Variants in WDR70 observed in about 807,000 individuals in gnomAD.
WDR70 encodes WD repeat-containing protein 70.
A neutral mutation model predicts 88.6 loss-of-function variants in WDR70; 53 were observed. The ratio of observed to expected loss-of-function variants is 0.60; its 90% CI spans 0.48 to 0.75. WDR70 has a LOEUF of 0.75. Among genes scored for constraint, WDR70 ranks in the 30% least tolerant of loss-of-function variants. The pLI is 0.00. For synonymous variants in WDR70, 280 were observed against 270.0 expected, an observed-to-expected ratio of 1.04 and a Z score of -0.36; for missense variants, 610 against 823.2, an observed-to-expected ratio of 0.74 and a Z score of 3.17.
At chr5:37,593,397 G>C (rs1743599837) in intron 9 of WDR70, among the ~76,000 whole-genome samples, 1 of 152,094 alleles carries the variant, frequency 6.6e-6, no homozygotes. Context: ...AGAACATGCG[G>C]TGTTTGATTC....
intron 13 of WDR70, among the ~76,000 whole-genome samples, chr5:37,705,499 G>C (rs1312992048): frequency 1.3e-5 from 2 of 152,052 alleles, no homozygotes; most frequent in African/African-American, 4.8e-5. Flanking sequence ...TGTTGATTTA[G>C]TGAGGGTGAA....
chr5:37,521,440 C>G (rs1401147365), intron 9 of WDR70, among the ~76,000 whole-genome samples: 5 of 152,172 alleles, frequency 3.3e-5, no homozygotes, highest in African/African-American at 1.2e-4. Context: ...CACCCATTAT[C>G]TGACCAGATT....
At position 37,725,009 on chromosome 5, in the gene WDR70, C is replaced by T; in HGVS notation, c.1673C>T (p.Pro558Leu). 1 of 1,613,578 alleles carries T rather than the reference C, an allele frequency of 6.2e-7. No homozygotes were observed. Among genetic ancestry groups the T allele is most frequent in the South Asian group, 1.1e-5 (1 of 91,066 alleles). The change falls in exon 16 of 18, where the codon CCC becomes CTC. Residue 558 changes from proline (P) to leucine (L), a missense_variant. Coordinates refer to ENST00000265107, the MANE Select transcript of WDR70 (RefSeq NM_018034.4). ...CAGCTGGAGAAGGACAGACTGGATC[C>T]CCTGAAGTCGCATAAACCTGAACCT... The part of the protein sequence containing the change: ...RKQLEKDRLD[P>L]LKSHKPEPPV...
intron 9 of WDR70, among the ~76,000 whole-genome samples, chr5:37,547,277 A>G (rs1742027006): frequency 6.6e-6 from 1 of 152,188 alleles, no homozygotes; most frequent in Non-Finnish European, 1.5e-5. Context: ...AGGTATTTCC[A>G]TATTGTGGAC....
chr5:37,579,769 A>G (rs1581409464), intron 9 of WDR70, among the ~76,000 whole-genome samples: 2 of 152,234 alleles, frequency 1.3e-5, no homozygotes, highest in African/African-American at 4.8e-5. Flanking sequence ...GGGCACCCAC[A>G]ATGGAATTTT....
intron 5 of WDR70, among the ~76,000 whole-genome samples, chr5:37,435,051 G>A (rs563019198): frequency 6.6e-6 from 1 of 152,260 alleles, no homozygotes; most frequent in Non-Finnish European, 1.5e-5. Flanking sequence ...TATGAGTTAT[G>A]CCATGCATGA....
At chr5:37,578,390 T>C (rs1378574233) in intron 9 of WDR70, among the ~76,000 whole-genome samples, 1 of 152,210 alleles carries the variant, frequency 6.6e-6, no homozygotes, top group Non-Finnish European at 1.5e-5. Flanking sequence ...CTAAGTGTAA[T>C]AAACCCACTA....
chr5:37,625,998 AAG>A (rs1297929580), intron 10 of WDR70, among the ~76,000 whole-genome samples: 1 of 143,248 alleles, frequency 7.0e-6, no homozygotes, highest in African/African-American at 2.9e-5. Flanking sequence ...TATGGGTTCT[AAG>A]AGAGTTTTTT....
chr5:37,711,892 C>T lies in WDR70; in HGVS notation c.1416+8805C>T, dbSNP rs1747521291. Among the ~76,000 whole-genome samples the T allele has an allele frequency of 3.3e-5, 5 of 151,784 alleles. No homozygotes were observed. In the South Asian group the frequency reaches 8.3e-4, roughly 25 times the overall value. The stretch of plus-strand genomic sequence containing the variant: ...TCTATTATATTCTTGTTGGGACTAA[C>T]TGTAATGGCCTATTCCTTACCACCT... On this transcript the variant is annotated intron_variant, in intron 13 of 17. Transcript: ENST00000265107.
chr5:37,530,772 T>C (rs1741457822), intron 9 of WDR70, among the ~76,000 whole-genome samples: 2 of 130,246 alleles, frequency 1.5e-5, no homozygotes, highest in South Asian at 2.3e-4. Context: ...ATTTATCTTT[T>C]GTTTTTTTTT....
At chr5:37,437,797 T>C in intron 5 of WDR70, 125 bp from the exon 6 acceptor site, 1 of 889,516 alleles carries the variant, frequency 1.1e-6, no homozygotes, top group Non-Finnish European at 1.7e-6. Flanking sequence ...TGCTGTTTTT[T>C]TAAGCTTTGT....
At chr5:37,440,170 C>T (rs1415441425) in intron 6 of WDR70, among the ~76,000 whole-genome samples, 1 of 151,910 alleles carries the variant, frequency 6.6e-6, no homozygotes, top group Non-Finnish European at 1.5e-5. Context: ...GCTTTTTCTC[C>T]TTTTAGTGAA....
At chr5:37,678,576 T>A (rs1274311112) in intron 10 of WDR70, among the ~76,000 whole-genome samples, 1 of 152,242 alleles carries the variant, frequency 6.6e-6, no homozygotes, top group Non-Finnish European at 1.5e-5. Context: ...CTCTTCTGGC[T>A]TGTAGAGTTT....
intron 7 of WDR70, among the ~76,000 whole-genome samples, chr5:37,472,641 C>T (rs975464538): frequency 2.0e-5 from 3 of 151,916 alleles, no homozygotes; most frequent in African/African-American, 7.3e-5. Flanking sequence ...ATTTAACAGA[C>T]ACCCGCCTCC....
At chr5:37,739,268 A>G (rs1027927480) in intron 17 of WDR70, among the ~76,000 whole-genome samples, 1 of 152,228 alleles carries the variant, frequency 6.6e-6, no homozygotes, top group Non-Finnish European at 1.5e-5. Context: ...GAGGCTTGCT[A>G]GATCCCCATT....
chr5:37,420,714 C>T (rs183566443), intron 5 of WDR70, among the ~76,000 whole-genome samples: 3 of 152,158 alleles, frequency 2.0e-5, no homozygotes, highest in Non-Finnish European at 4.4e-5. Flanking sequence ...GAGTTTGAGA[C>T]CAGCCTGGCC....
intron 9 of WDR70, among the ~76,000 whole-genome samples, chr5:37,601,305 G>C (rs1743874929): frequency 6.6e-6 from 1 of 152,066 alleles, no homozygotes; most frequent in Admixed American, 6.5e-5. Context: ...TCTTAATTTT[G>C]TTACTGTGGT....
At chr5:37,681,611 C>T (rs1319870261) in intron 10 of WDR70, among the ~76,000 whole-genome samples, 5 of 152,062 alleles carry the variant, frequency 3.3e-5, no homozygotes, top group Non-Finnish European at 2.9e-5. Flanking sequence ...TCTTTAATAC[C>T]TAGTTTATTA....
chr5:37,604,585 G>A (rs905774224), intron 9 of WDR70, among the ~76,000 whole-genome samples: 2 of 152,198 alleles, frequency 1.3e-5, no homozygotes, highest in Non-Finnish European at 2.9e-5. Flanking sequence ...TCCCCTAGGG[G>A]AATGAGATCT....
Sources: allele counts gnomAD v4.1 joint callset (sites outside exome capture counted in the v4.1 genomes callset), GRCh38; gene constraint gnomAD v4.1.1; transcripts MANE v1.5; gene names NCBI Gene and HGNC (gene_info 2026-07-23, HGNC 2026-07-21).